Variants in FANCC observed in about 807,000 individuals in gnomAD.
FANCC encodes the protein FA complementation group C.
Under a neutral mutation model 71.3 loss-of-function variants are expected in FANCC, and 55 were observed. That is an observed-to-expected ratio of 0.77 (90% CI 0.62 to 0.97). The LOEUF (loss-of-function observed/expected upper bound fraction) is 0.97. FANCC is among the 50% of genes least tolerant of loss of function. FANCC has a pLI of 0.00. For synonymous variants in FANCC, 275 were observed against 244.9 expected, an observed-to-expected ratio of 1.12 and a Z score of -1.15; for missense variants, 678 against 670.9, an observed-to-expected ratio of 1.01 and a Z score of -0.12.
chr9:95,157,962 A>T (rs1564705705), intron 6 of FANCC, among the ~76,000 whole-genome samples: 1 of 152,158 alleles, frequency 6.6e-6, no homozygotes, highest in East Asian at 1.9e-4. Context: ...GTCCCCAGTA[A>T]TAATCTCTGA....
At chr9:95,163,740 T>A (rs1009547520) in intron 6 of FANCC, among the ~76,000 whole-genome samples, 5 of 152,238 alleles carry the variant, frequency 3.3e-5, no homozygotes, top group East Asian at 3.9e-4. Context: ...TCCCAGCTAC[T>A]CGGGAGGCTG....
intron 10 of FANCC, among the ~76,000 whole-genome samples, chr9:95,120,182 C>T (rs2072758649): frequency 6.6e-6 from 1 of 152,198 alleles, no homozygotes; most frequent in Admixed American, 6.5e-5. Context: ...CTCAAATTAA[C>T]TGTTGTGTGC....
chr9:95,278,578 T>A (rs1374459745), intron 1 of FANCC, among the ~76,000 whole-genome samples: 1 of 152,156 alleles, frequency 6.6e-6, no homozygotes, highest in Middle Eastern at 3.2e-3. Context: ...CAGCTCCCAG[T>A]CAGCCCAGCA....
chr9:95,212,973 G>A (rs939936441), intron 4 of FANCC, among the ~76,000 whole-genome samples: 2 of 152,096 alleles, frequency 1.3e-5, no homozygotes, highest in Non-Finnish European at 2.9e-5. Flanking sequence ...CTGACCACAT[G>A]GGCAAATGAA....
At chr9:95,186,693 A>G (rs1206108920) in intron 4 of FANCC, 1 of 152,246 alleles carries the variant, frequency 6.6e-6, no homozygotes, top group Non-Finnish European at 1.5e-5. Context: ...ATATAAAGGC[A>G]AAGAAGACTA....
At chr9:95,238,978 C>T (rs1184548236) in intron 4 of FANCC, among the ~76,000 whole-genome samples, 1 of 152,212 alleles carries the variant, frequency 6.6e-6, no homozygotes, top group African/African-American at 2.4e-5. Context: ...TCATCACCAA[C>T]TCCACAAAAC....
chr9:95,162,965 A>C (rs529024649), intron 6 of FANCC, among the ~76,000 whole-genome samples: 2 of 152,280 alleles, frequency 1.3e-5, no homozygotes, highest in African/African-American at 4.8e-5. Context: ...AATTTCATGC[A>C]GTCCTATTTG....
At chr9:95,314,817 T>C (rs576939833) in intron 1 of FANCC, among the ~76,000 whole-genome samples, 1 of 152,010 alleles carries the variant, frequency 6.6e-6, no homozygotes, top group East Asian at 1.9e-4. Flanking sequence ...CTAAGAGAAA[T>C]TAAAGCGCTC....
chr9:95,235,643 G>C (rs1761050386), intron 4 of FANCC, among the ~76,000 whole-genome samples: 1 of 152,020 alleles, frequency 6.6e-6, no homozygotes, highest in Non-Finnish European at 1.5e-5. Context: ...TCGGGAGTTT[G>C]AGACCAGCCC....
At chr9:95,180,829 T>C (rs1826309312) in intron 4 of FANCC, among the ~76,000 whole-genome samples, 1 of 152,132 alleles carries the variant, frequency 6.6e-6, no homozygotes, top group Admixed American at 6.5e-5. Context: ...CACAAACATG[T>C]GAACAATGTG....
chr9:95,140,123 T>C (rs1828417752), intron 7 of FANCC, among the ~76,000 whole-genome samples: 1 of 152,078 alleles, frequency 6.6e-6, no homozygotes, highest in African/African-American at 2.4e-5. Context: ...ATCATAGTTA[T>C]GTTTTAGGAA....
chr9:95,208,200 C>A (rs183083083), intron 4 of FANCC, among the ~76,000 whole-genome samples: 175 of 144,308 alleles, frequency 1.2e-3, no homozygotes, highest in Non-Finnish European at 2.1e-3. Flanking sequence ...CGAGTTCAAG[C>A]GATTCTCCTG....
chr9:95,140,475 A>AC (rs1163909437), intron 7 of FANCC, among the ~76,000 whole-genome samples: 5 of 144,922 alleles, frequency 3.5e-5, no homozygotes, highest in East Asian at 4.1e-4. Context: ...TATAGCTACA[A>AC]AAAAACAAAA....
intron 9 of FANCC, 131 bp downstream of exon 9, chr9:95,126,397 AG>A: frequency 1.1e-6 from 1 of 885,990 alleles, no homozygotes; most frequent in Non-Finnish European, 1.8e-6. Flanking sequence ...AAAAGCTCAG[AG>A]GAACAGGAGG....
At chr9:95,176,393 C>G (rs1431804697) in intron 4 of FANCC, among the ~76,000 whole-genome samples, 2 of 152,248 alleles carry the variant, frequency 1.3e-5, no homozygotes, top group African/African-American at 2.4e-5. Flanking sequence ...ACACCCGCCA[C>G]CAGGCTTGAC....
chr9:95,139,956 G>A (rs370744642), intron 7 of FANCC, among the ~76,000 whole-genome samples: 14 of 151,030 alleles, frequency 9.3e-5, no homozygotes, highest in East Asian at 7.7e-4. Context: ...TGTTCAATAC[G>A]TTAGTGACAG....
chr9:95,158,619 A>G (rs1417516967), intron 6 of FANCC, among the ~76,000 whole-genome samples: 1 of 152,248 alleles, frequency 6.6e-6, no homozygotes. Context: ...AAAACCGTAA[A>G]TAAAATTCTA....
chr9:95,205,076 A>G (rs1040563942), intron 4 of FANCC, among the ~76,000 whole-genome samples: 1 of 152,218 alleles, frequency 6.6e-6, no homozygotes, highest in African/African-American at 2.4e-5. Flanking sequence ...GAACAATAAC[A>G]AAACTCCAAA....
chr9:95,151,776 A>G (rs1830182716), intron 6 of FANCC, among the ~76,000 whole-genome samples: 1 of 152,014 alleles, frequency 6.6e-6, no homozygotes, highest in Non-Finnish European at 1.5e-5. Context: ...AAAAATACAA[A>G]AATTAGCCAG....
Sources: gnomAD v4.1 joint callset for allele counts (sites outside exome capture counted in the v4.1 genomes callset) on GRCh38, gnomAD v4.1.1 for gene constraint, MANE v1.5 for transcripts, NCBI Gene and HGNC (gene_info 2026-07-23, HGNC 2026-07-21) for gene names.